The following CCDC91 variants were observed in gnomAD, a reference collection of about 807,000 sequenced individuals.
The protein encoded by CCDC91 is coiled-coil domain-containing protein 91.
In CCDC91, 48 loss-of-function variants were observed where a neutral mutation model predicts 63.2. The observed-to-expected ratio is 0.76, with a 90% CI of 0.60 to 0.97. The LOEUF (loss-of-function observed/expected upper bound fraction) is 0.97, where lower values mean the gene tolerates loss of function less well. CCDC91 is among the 50% of genes least tolerant of loss of function. The probability of loss-of-function intolerance (pLI) is 0.00; values close to 1 mark genes in which losing one functional copy is unlikely to be tolerated. For missense variants in CCDC91, 500 were observed against 494.6 expected (o/e 1.01, Z -0.10); for synonymous variants, 167 against 165.8 (o/e 1.01, Z -0.06).
In CCDC91 at chr12:28,336,898, A is replaced by G. The variant is rs576002598; in HGVS notation, c.577-25540A>G. On this transcript the variant is annotated intron_variant, in intron 6 of 12. Transcript: ENST00000536442. ...AACTATTCAAACTTTATATATTTAT[A>G]TGGATTATTACATGTAATTTTCACT... Among the ~76,000 whole-genome samples the G allele has an allele frequency of 6.6e-5, 10 of 151,768 alleles. 1 individual carries two copies. In the East Asian group the frequency reaches 9.6e-4, roughly 15 times the overall value.
intron 12 of CCDC91, among the ~76,000 whole-genome samples, chr12:28,526,603 GA>G (rs1941284326): frequency 6.6e-6 from 1 of 152,060 alleles, no homozygotes; most frequent in Admixed American, 6.6e-5. Context: ...TTTTTATGAT[GA>G]ATTTCCCAGG....
chr12:28,349,061 A>G (rs1008580991), intron 6 of CCDC91, among the ~76,000 whole-genome samples: 1 of 152,046 alleles, frequency 6.6e-6, no homozygotes, highest in Non-Finnish European at 1.5e-5. Flanking sequence ...ATGAATTACT[A>G]TGTTTTGTAT....
chr12:28,362,450 C>G lies in CCDC91; in HGVS notation c.589C>G (p.Gln197Glu), dbSNP rs77331900. The stretch of plus-strand genomic sequence containing the variant: ...TTTTTTCTTTCAGGAAAAACATAAA[C>G]AAGAATTGGAAGACATGAGGAAAGC... ...RYKELQEKHK[Q>E]ELEDMRKAGH... Residue 197 changes from glutamine (Q) to glutamate (E), a missense_variant, in exon 7 of 13, where the codon CAA becomes GAA. Physicochemically the swap from Gln to Glu is conservative, Grantham distance 29 (BLOSUM62 2). Transcript: ENST00000536442. 1.7e-3 allele frequency: 2,618 copies of G among 1,582,906 alleles called. 41 individuals are homozygous for G. The African/African-American group carries it at 0.031, about 19-fold the overall frequency.
chr12:28,316,873 T>G (rs1460444132), intron 6 of CCDC91, among the ~76,000 whole-genome samples: 1 of 151,932 alleles, frequency 6.6e-6, no homozygotes, highest in Non-Finnish European at 1.5e-5. Flanking sequence ...TCTGGTTTGG[T>G]CAATTTGGAT....
intron 8 of CCDC91, among the ~76,000 whole-genome samples, chr12:28,439,904 A>G (rs1388232322): frequency 6.6e-5 from 10 of 151,156 alleles, no homozygotes; most frequent in Non-Finnish European, 1.5e-4. Flanking sequence ...TATCTCTGAC[A>G]CCTTTGCATT....
At chr12:28,360,100 A>T (rs1391920156) in intron 6 of CCDC91, among the ~76,000 whole-genome samples, 1 of 152,204 alleles carries the variant, frequency 6.6e-6, no homozygotes, top group African/African-American at 2.4e-5. Context: ...TGAAACATGG[A>T]TTTATAATCC....
intron 8 of CCDC91, among the ~76,000 whole-genome samples, chr12:28,423,894 C>T (rs1280245307): frequency 6.6e-6 from 1 of 152,118 alleles, no homozygotes; most frequent in Non-Finnish European, 1.5e-5. Flanking sequence ...GCATATCATA[C>T]TTCTAAAAGG....
chr12:28,309,352 A>C (rs968030429), intron 6 of CCDC91, among the ~76,000 whole-genome samples: 1 of 152,008 alleles, frequency 6.6e-6, no homozygotes, highest in Non-Finnish European at 1.5e-5. Flanking sequence ...AGAGATGCGA[A>C]TAATTCTGTC....
At chr12:28,279,330 A>G (rs1221129663) in intron 3 of CCDC91, among the ~76,000 whole-genome samples, 1 of 152,110 alleles carries the variant, frequency 6.6e-6, no homozygotes, top group Non-Finnish European at 1.5e-5. Flanking sequence ...TTGAAATAGC[A>G]TCTTATGAGA....
At chr12:28,272,370 C>T (rs1947832872) in intron 3 of CCDC91, among the ~76,000 whole-genome samples, 2 of 149,440 alleles carry the variant, frequency 1.3e-5, no homozygotes, top group Non-Finnish European at 3.0e-5. Flanking sequence ...GTTGTTGCTC[C>T]ATTCTCTTTC....
At chr12:28,251,001 T>C (rs1325953649) in intron 1 of CCDC91, among the ~76,000 whole-genome samples, 1 of 151,578 alleles carries the variant, frequency 6.6e-6, no homozygotes, top group Non-Finnish European at 1.5e-5. Context: ...TTTCCTTTGT[T>C]CTGTTTTCTC....
chr12:28,468,743 A>C (rs1208293961), intron 11 of CCDC91, among the ~76,000 whole-genome samples: 1 of 152,056 alleles, frequency 6.6e-6, no homozygotes, highest in Non-Finnish European at 1.5e-5. Context: ...ATTCATCATG[A>C]CCAAGTGAGA....
chr12:28,512,328 C>G (rs1939464166), intron 12 of CCDC91, among the ~76,000 whole-genome samples: 1 of 151,848 alleles, frequency 6.6e-6, no homozygotes, highest in South Asian at 2.1e-4. Context: ...AGAATATTCT[C>G]TGTAGCTCAT....
intron 6 of CCDC91, among the ~76,000 whole-genome samples, chr12:28,341,034 G>A (rs1942379906): frequency 6.6e-6 from 1 of 152,130 alleles, no homozygotes; most frequent in African/African-American, 2.4e-5. Flanking sequence ...AGTGATGCGG[G>A]CTTTCTTCTG....
intron 12 of CCDC91, among the ~76,000 whole-genome samples, chr12:28,499,513 A>G (rs986914091): frequency 2.0e-5 from 3 of 149,578 alleles, no homozygotes; most frequent in Non-Finnish European, 4.5e-5. Context: ...CCTACCCCCC[A>G]CTCCCTTACA....
At chr12:28,194,790 C>CTGTA (rs1308059713) in intron 1 of CCDC91, among the ~76,000 whole-genome samples, 1 of 151,558 alleles carries the variant, frequency 6.6e-6, no homozygotes, top group Non-Finnish European at 1.5e-5. Flanking sequence ...AGGAGTGAAG[C>CTGTA]TGTAGACCTT....
At chr12:28,226,546 A>C (rs1944284525) in intron 1 of CCDC91, among the ~76,000 whole-genome samples, 2 of 152,174 alleles carry the variant, frequency 1.3e-5, no homozygotes, top group Admixed American at 6.6e-5. Context: ...TAGAAATATA[A>C]ACATTATTAT....
At chr12:28,547,014 T>G (rs1943036856) in intron 12 of CCDC91, among the ~76,000 whole-genome samples, 3 of 152,050 alleles carry the variant, frequency 2.0e-5, no homozygotes, top group African/African-American at 7.2e-5. Context: ...AAGCAATTTT[T>G]TAAAATGAGA....
At chr12:28,261,453 C>T (rs1399652605) in intron 3 of CCDC91, among the ~76,000 whole-genome samples, 1 of 151,754 alleles carries the variant, frequency 6.6e-6, no homozygotes, top group African/African-American at 2.4e-5. Flanking sequence ...GCTAGTGCTG[C>T]AACACAGAAA....
Sources: allele counts gnomAD v4.1 joint callset (sites outside exome capture counted in the v4.1 genomes callset), GRCh38; gene constraint gnomAD v4.1.1; transcripts MANE v1.5; gene names NCBI Gene and HGNC (gene_info 2026-07-23, HGNC 2026-07-21).